The following CCDC50 variants were observed in gnomAD, a reference collection of about 807,000 sequenced individuals.
CCDC50 encodes coiled-coil domain-containing protein 50.
A neutral mutation model predicts 70.2 loss-of-function variants in CCDC50; 54 were observed. The ratio of observed to expected loss-of-function variants is 0.77; its 90% CI spans 0.62 to 0.96. The LOEUF (loss-of-function observed/expected upper bound fraction) is 0.96, where lower values mean the gene tolerates loss of function less well. CCDC50 is among the 50% of genes least tolerant of loss of function. CCDC50 has a pLI of 0.00. For missense variants in CCDC50, 558 were observed against 578.7 expected, an observed-to-expected ratio of 0.96 and a Z score of 0.37; for synonymous variants, 216 against 198.8, an observed-to-expected ratio of 1.09 and a Z score of -0.73.
intron 5 of CCDC50, among the ~76,000 whole-genome samples, chr3:191,374,033 G>A (rs112005366): frequency 5.3e-5 from 8 of 152,134 alleles, no homozygotes; most frequent in East Asian, 3.9e-4. Context: ...TAATTCCATC[G>A]GGGAATCTTA....
At chr3:191,335,892 C>T (rs141116944) in intron 1 of CCDC50, among the ~76,000 whole-genome samples, 1 of 152,086 alleles carries the variant, frequency 6.6e-6, no homozygotes, top group African/African-American at 2.4e-5. Flanking sequence ...AATCAAGATA[C>T]AGAACAGTTC....
Position 191,329,629 on chromosome 3 carries a change from G to A in CCDC50, c.-46G>A, listed in dbSNP as rs1387774279. On this transcript the variant is annotated 5_prime_UTR_variant, in exon 1 of 12. Coordinates refer to ENST00000392455, the MANE Select transcript of CCDC50 (RefSeq NM_178335.3). ...CGGGGCCCCGCTCGGCGCCGGCGGTGACCGGGAAGCCCGCGTTAAAGGGGC... is the reference window on the plus strand; with the variant it reads ...CGGGGCCCCGCTCGGCGCCGGCGGTAACCGGGAAGCCCGCGTTAAAGGGGC... 1 of 1,586,358 alleles carries A rather than the reference G, an allele frequency of 6.3e-7. No individual in the cohort carries two copies. Among genetic ancestry groups the A allele is most frequent in the Non-Finnish European group, 8.6e-7 (1 of 1,167,790 alleles).
In CCDC50 at chr3:191,358,068, G is replaced by T. The variant is rs746671754; in HGVS notation, c.183G>T (p.Gln61His). 9 of 1,614,018 alleles carry T rather than the reference G, an allele frequency of 5.6e-6. No individual in the cohort carries two copies. The highest frequency in any genetic ancestry group is 6.8e-6 in the Non-Finnish European group (8 of 1,179,920). ...AGCATGATCTCCAGGTGGCTAAGCA[G>T]CTCCAAGAGGAAGATCTGAAAGCGC... is the stretch of plus-strand genomic sequence containing the variant. ...LVQHDLQVAK[Q>H]LQEEDLKAQA... Residue 61 changes from glutamine to histidine, a missense_variant, in exon 3 of 12, where the codon CAG becomes CAT. Physicochemically the swap from Gln to His is conservative, Grantham distance 24. Coordinates refer to ENST00000392455, the MANE Select transcript of CCDC50 (RefSeq NM_178335.3).
At chr3:191,387,062 C>G (rs545519927) in intron 10 of CCDC50, among the ~76,000 whole-genome samples, 2 of 152,216 alleles carry the variant, frequency 1.3e-5, no homozygotes, top group South Asian at 2.1e-4. Flanking sequence ...ATTCATTTAT[C>G]AAGTATTTAT....
chr3:191,367,640 C>T lies in CCDC50; in HGVS notation c.331-2279C>T, dbSNP rs79377405. Among the ~76,000 whole-genome samples, 585 of 152,210 alleles carry T rather than the reference C, an allele frequency of 3.8e-3. 4 individuals carry two copies. Among genetic ancestry groups the T allele is most frequent in the South Asian group, 0.022 (108 of 4,822 alleles). On this transcript the variant is annotated intron_variant, in intron 4 of 11. Coordinates refer to ENST00000392455, the MANE Select transcript of CCDC50 (RefSeq NM_178335.3). Reference sequence around the variant, plus strand: ...AAATGTCTTTGACTACTTAATTTATCATTTTAATAAAGCCGTGTCTACCAG... The same window carrying T: ...AAATGTCTTTGACTACTTAATTTATTATTTTAATAAAGCCGTGTCTACCAG...
At chr3:191,388,909 G>A (rs1713588640) in intron 10 of CCDC50, among the ~76,000 whole-genome samples, 1 of 137,686 alleles carries the variant, frequency 7.3e-6, no homozygotes, top group Non-Finnish European at 1.5e-5. Flanking sequence ...GTTTAGAGTA[G>A]TAAAAATTAT....
intron 1 of CCDC50, among the ~76,000 whole-genome samples, chr3:191,343,558 C>T (rs1400026221): frequency 6.6e-6 from 1 of 152,174 alleles, no homozygotes; most frequent in Non-Finnish European, 1.5e-5. Context: ...TTCCTTTTTA[C>T]TCATCTTTAT....
At position 191,375,273 on chromosome 3, in the gene CCDC50, T is replaced by C. The variant is rs767528367; in HGVS notation, c.660T>C (p.Asn220=). ...GGAGGGACAATCCCCATATTAACAA[T>C]GAGCAGCATGAAAGGAAACGGTCCA... ...GKGRDNPHIN[N]EQHERKRSTQ... is the part of the protein sequence containing the mutation. Residue 220 remains asparagine (N), a synonymous_variant, in exon 6 of 12, where the codon AAT becomes AAC. Coordinates refer to ENST00000392455, the MANE Select transcript of CCDC50 (RefSeq NM_178335.3). The C allele has an allele frequency of 1.1e-5, 18 of 1,613,682 alleles. No homozygotes were observed. The East Asian group carries it at 4.0e-4, about 36-fold the overall frequency.
chr3:191,382,816 G>A lies in CCDC50; in HGVS notation c.1313G>A (p.Arg438Lys), dbSNP rs1713366549. ...GAACCTCACCATTCTAAGAATGAAA[G>A]GCCAGCACGGTAAGCTGACACCTGA... ...SDEPHHSKNE[R>K]PARPPPPIMT... Residue 438 changes from arginine (R) to lysine (K), a missense_variant, in exon 10 of 12, where the codon AGG becomes AAG. Arg to Lys is a conservative substitution (Grantham distance 26). Coordinates refer to ENST00000392455, the MANE Select transcript of CCDC50 (RefSeq NM_178335.3). 6.2e-7 allele frequency: 1 copy of A among 1,611,274 alleles called. No homozygotes were observed. The highest frequency in any genetic ancestry group is 1.3e-5 in the African/African-American group (1 of 74,906).
chr3:191,361,187 T>C (rs1712474870), intron 4 of CCDC50, 28 bp downstream of exon 4: 1 of 1,530,782 alleles, frequency 6.5e-7, no homozygotes, highest in African/African-American at 1.4e-5. Context: ...CCCCTCTCCC[T>C]CATGGAGAAA....
intron 4 of CCDC50, among the ~76,000 whole-genome samples, chr3:191,367,020 A>G (rs1712717632): frequency 6.6e-6 from 1 of 152,086 alleles, no homozygotes; most frequent in African/African-American, 2.4e-5. Context: ...AGGAGAACGG[A>G]CTTGTGCTAA....
At chr3:191,388,450 G>A (rs1576977193) in intron 10 of CCDC50, among the ~76,000 whole-genome samples, 1 of 152,086 alleles carries the variant, frequency 6.6e-6, no homozygotes. Flanking sequence ...ATGATAGTTA[G>A]CATTAGCATA....
rs1031153696 is a variant in CCDC50 at position 191,396,200 on chromosome 3, T to C, written c.*4440T>C. 1 of 152,150 alleles carries C rather than the reference T, an allele frequency of 6.6e-6. No individual in the cohort carries two copies. The highest frequency in any genetic ancestry group is 2.4e-5 in the African/African-American group (1 of 41,434). 9.4% of individuals were successfully genotyped at this position (152,150 alleles called of 1,614,324 possible). On this transcript the variant is annotated 3_prime_UTR_variant, in exon 12 of 12. Transcript: ENST00000392455. ...TGAGACCTGCACTTTATGCCAGCACTGTTTGTGAGGAGCAGTACTGCCTTA... is the reference window on the plus strand; with the variant it reads ...TGAGACCTGCACTTTATGCCAGCACCGTTTGTGAGGAGCAGTACTGCCTTA...
At chr3:191,376,783 A>T (rs886377234) in intron 6 of CCDC50, among the ~76,000 whole-genome samples, 1 of 152,116 alleles carries the variant, frequency 6.6e-6, no homozygotes, top group Non-Finnish European at 1.5e-5. Context: ...AAATAGAGGA[A>T]AGTGTGATAT....
intron 5 of CCDC50, among the ~76,000 whole-genome samples, chr3:191,371,709 C>T (rs944115539): frequency 6.6e-6 from 1 of 152,176 alleles, no homozygotes; most frequent in Non-Finnish European, 1.5e-5. Flanking sequence ...CAGGCTGATT[C>T]ACAATTTATT....
At chr3:191,389,305 A>G (rs1397369630) in intron 10 of CCDC50, among the ~76,000 whole-genome samples, 191 bp from the exon 11 acceptor site, 1 of 152,228 alleles carries the variant, frequency 6.6e-6, no homozygotes, top group Non-Finnish European at 1.5e-5. Flanking sequence ...TTATGACATC[A>G]AAACAAAGGA....
At chr3:191,360,265 G>A (rs537530478) in intron 3 of CCDC50, among the ~76,000 whole-genome samples, 1 of 152,286 alleles carries the variant, frequency 6.6e-6, no homozygotes, top group Non-Finnish European at 1.5e-5. Context: ...TGGAAATATG[G>A]TTTGAAATCA....
intron 1 of CCDC50, 68 bp from the exon 2 acceptor site, chr3:191,357,020 T>C: frequency 2.0e-6 from 2 of 984,998 alleles, no homozygotes; most frequent in Non-Finnish European, 3.2e-6. Flanking sequence ...AAAAAAAAAA[T>C]CCTTTCCTTT....
At position 191,375,398 on chromosome 3, in the gene CCDC50, C is replaced by G; in HGVS notation, c.785C>G (p.Thr262Ser). The change falls in exon 6 of 12, where the codon ACT becomes AGT. Residue 262 changes from threonine (T) to serine (S), a missense_variant. Transcript: ENST00000392455. ...TGGGAGACTAAGATTAACCATCAGA[C>G]TCGAAATTGGGAAAAACAGTCTCGA... ...DDWETKINHQ[T>S]RNWEKQSRHQ... The G allele has an allele frequency of 1.2e-6, 2 of 1,613,766 alleles. No homozygotes were observed. The highest frequency in any genetic ancestry group is 1.7e-6 in the Non-Finnish European group (2 of 1,179,864).
Sources: allele counts gnomAD v4.1 joint callset (sites outside exome capture counted in the v4.1 genomes callset), GRCh38; gene constraint gnomAD v4.1.1; transcripts MANE v1.5; gene names NCBI Gene and HGNC (gene_info 2026-07-23, HGNC 2026-07-21).